Variants in DKK3 observed in about 807,000 individuals in gnomAD.
The protein encoded by DKK3 is dickkopf Wnt signaling pathway inhibitor 3, also known as dickkopf-related protein 3.
In DKK3, 22 loss-of-function variants were observed where a neutral mutation model predicts 33.2. That is an observed-to-expected ratio of 0.66 (90% confidence interval 0.47 to 0.95). The LOEUF (loss-of-function observed/expected upper bound fraction) is 0.95, where lower values mean the gene tolerates loss of function less well. Ranked by LOEUF, DKK3 falls within the 40% of genes least tolerant of loss-of-function variation. The probability of loss-of-function intolerance (pLI) is 0.00; values close to 1 mark genes in which losing one functional copy is unlikely to be tolerated. For synonymous variants in DKK3, 194 were observed against 188.8 expected, an observed-to-expected ratio of 1.03 and a Z score of -0.23; for missense variants, 398 against 458.4, an observed-to-expected ratio of 0.87 and a Z score of 1.20.
At position 11,964,672 on chromosome 11, in the gene DKK3, T is replaced by C; in HGVS notation, c.845A>G (p.Tyr282Cys). Residue 282 changes from tyrosine (Y) to cysteine (C), a missense_variant, in exon 7 of 7, where the codon TAT becomes TGT. By Grantham distance (194) the Tyr-to-Cys change is radical. Transcript: ENST00000683431. Reference sequence around the variant, plus strand: ...CCCCACGAAGGTCGGCTTGCACACATACACCAGGCTGTGGCTGGGGAGAGA... The same window carrying C: ...CCCCACGAAGGTCGGCTTGCACACACACACCAGGCTGTGGCTGGGGAGAGA... ...LCQPHSHSLV[Y>C]VCKPTFVGSR... 1.2e-6 allele frequency: 2 copies of C among 1,613,854 alleles called. No homozygotes were observed. The highest frequency in any genetic ancestry group is 1.7e-6 in the Non-Finnish European group (2 of 1,179,960).
chr11:12,002,320 C>T lies in DKK3; in HGVS notation c.331G>A (p.Val111Met). The T allele has an allele frequency of 1.2e-6, 2 of 1,613,848 alleles. No homozygotes were observed. The highest frequency in any genetic ancestry group is 1.7e-6 in the Non-Finnish European group (2 of 1,179,846). ...CTTACCTTGTGAATTTCTCGGTGCACATGGATGGTATTATTTCCAACCTTC... is the reference window on the plus strand; with the variant it reads ...CTTACCTTGTGAATTTCTCGGTGCATATGGATGGTATTATTTCCAACCTTC... ...DTKVGNNTIHVHREIHKITNN... is the reference protein window; with the variant it reads ...DTKVGNNTIHMHREIHKITNN... The change falls in exon 2 of 7, where the codon GTG becomes ATG. Residue 111 changes from valine to methionine, a missense_variant. Val to Met is a conservative substitution (Grantham distance 21, BLOSUM62 1). Coordinates refer to ENST00000683431, the MANE Select transcript of DKK3 (RefSeq NM_001018057.2).
At chr11:11,965,996 C>A (rs760765975) in intron 5 of DKK3, 31 bp from the exon 6 acceptor site, 7 of 1,592,724 alleles carry the variant, frequency 4.4e-6, no homozygotes, top group Non-Finnish European at 6.0e-6. Context: ...CCCCTGTGTG[C>A]CCCGTGTAGG....
At chr11:11,965,696 C>G in intron 6 of DKK3, 113 bp downstream of exon 6, 6 of 1,364,086 alleles carry the variant, frequency 4.4e-6, no homozygotes, top group Middle Eastern at 2.6e-4. Context: ...CAAACCAATC[C>G]TAAAGGGAAT....
At chr11:11,973,843 G>C (rs1466307037) in intron 3 of DKK3, among the ~76,000 whole-genome samples, 1 of 152,242 alleles carries the variant, frequency 6.6e-6, no homozygotes, top group Non-Finnish European at 1.5e-5. Context: ...TGAGTGAGCA[G>C]AAGTCAAAAC....
chr11:12,008,611 G>C lies in DKK3; in HGVS notation c.-29C>G. ...CGCTCTGCGCCCGCAGCCGCCGCCTGTGTGTCCCGGAACGCGATCAGAGGC... is the reference window on the plus strand; with the variant it reads ...CGCTCTGCGCCCGCAGCCGCCGCCTCTGTGTCCCGGAACGCGATCAGAGGC... On this transcript the variant is annotated 5_prime_UTR_variant, in exon 1 of 7. Transcript: ENST00000683431. The surrounding 1 kb of genome is among the most constrained non-coding windows in gnomAD (Gnocchi z 4.6). The C allele has an allele frequency of 7.3e-7, 1 of 1,371,248 alleles. No individual in the cohort carries two copies. Among genetic ancestry groups the C allele is most frequent in the Admixed American group, 3.7e-5 (1 of 27,210 alleles). The allele number at this position is 1,371,248 out of a possible 1,614,324, so 84.9% of individuals were successfully genotyped here.
intron 3 of DKK3, among the ~76,000 whole-genome samples, chr11:11,994,032 A>G (rs2135082585): frequency 6.6e-6 from 1 of 152,246 alleles, no homozygotes; most frequent in South Asian, 2.1e-4. Flanking sequence ...GTGGCCAGGA[A>G]CACAGAGCTC....
chr11:11,968,712 C>T (rs1245303829), intron 3 of DKK3: 22 of 480,716 alleles, frequency 4.6e-5, no homozygotes, highest in Non-Finnish European at 7.8e-5. Flanking sequence ...CCTGGAGGAT[C>T]CCACACCAAA....
rs562593267 is a variant in DKK3 at position 11,981,590 on chromosome 11, G to T, written c.436-13103C>A. Among the ~76,000 whole-genome samples, 6 of 152,286 alleles carry T rather than the reference G, an allele frequency of 3.9e-5. No individual in the cohort carries two copies. In the East Asian group the frequency reaches 1.2e-3, roughly 29 times the overall value. The stretch of plus-strand genomic sequence containing the variant: ...AAGGTGATGATCTCAGAGCTTGGCA[G>T]GTATCACCAATGCTTACGGGGCTGG... On this transcript the variant is annotated intron_variant, in intron 3 of 6. Transcript: ENST00000683431.
chr11:11,973,658 C>T (rs1235948702), intron 3 of DKK3, among the ~76,000 whole-genome samples: 1 of 152,216 alleles, frequency 6.6e-6, no homozygotes, highest in East Asian at 1.9e-4. Flanking sequence ...ATTTAGAAAG[C>T]TCAGAAGCTG....
At chr11:11,979,090 A>G (rs946900896) in intron 3 of DKK3, 1 of 152,314 alleles carries the variant, frequency 6.6e-6, no homozygotes, top group Non-Finnish European at 1.5e-5. Flanking sequence ...CGACGCAAGG[A>G]AAGGCATGAA....
chr11:11,975,468 G>C (rs2135018395), intron 3 of DKK3, among the ~76,000 whole-genome samples: 1 of 152,356 alleles, frequency 6.6e-6, no homozygotes, highest in African/African-American at 2.4e-5. Flanking sequence ...CCTGGGGGTG[G>C]TGTGGTCATG....
chr11:11,977,646 A>T (rs1364801655), intron 3 of DKK3, among the ~76,000 whole-genome samples: 1 of 152,128 alleles, frequency 6.6e-6, no homozygotes, highest in Non-Finnish European at 1.5e-5. Flanking sequence ...ATCCAAAGGC[A>T]CGCTGTGTGG....
intron 3 of DKK3, among the ~76,000 whole-genome samples, chr11:11,982,663 T>G (rs1847980610): frequency 6.6e-6 from 1 of 152,134 alleles, no homozygotes. Flanking sequence ...GTTCTGGGCC[T>G]TCCCGCTTCC....
At chr11:11,972,562 G>A (rs559779177) in intron 3 of DKK3, among the ~76,000 whole-genome samples, 17 of 152,298 alleles carry the variant, frequency 1.1e-4, no homozygotes, top group East Asian at 3.9e-4. Flanking sequence ...CCTGAAGACC[G>A]CTAGCAGTAG....
chr11:11,973,136 T>C (rs1847759689), intron 3 of DKK3, among the ~76,000 whole-genome samples: 1 of 152,234 alleles, frequency 6.6e-6, no homozygotes, highest in Admixed American at 6.5e-5. Flanking sequence ...CACAGAGCCC[T>C]GGCCAGATAG....
Position 11,963,075 on chromosome 11 carries a change from A to T in DKK3, c.*1389T>A, listed in dbSNP as rs1242850990. On this transcript the variant is annotated 3_prime_UTR_variant, in exon 7 of 7. Transcript: ENST00000683431. ...AGGATTTTACATTTATTCAAAGTCA[A>T]AAGGGAAAAGAAATCCAAGAACTAC... is the stretch of plus-strand genomic sequence containing the variant. 2 of 152,650 alleles carry T rather than the reference A, an allele frequency of 1.3e-5. No individual in the cohort carries two copies. The highest frequency in any genetic ancestry group is 4.8e-5 in the African/African-American group (2 of 41,466). 9.5% of individuals were successfully genotyped at this position (152,650 alleles called of 1,614,324 possible). A position where few individuals can be genotyped will look rare whatever the true frequency, so the allele number is the denominator to read the frequency against.
At chr11:11,987,424 A>G (rs1564916781) in intron 3 of DKK3, among the ~76,000 whole-genome samples, 1 of 152,304 alleles carries the variant, frequency 6.6e-6, no homozygotes, top group East Asian at 1.9e-4. Flanking sequence ...CATCCCTCCC[A>G]TCTCTGATTT....
chr11:11,999,099 C>G (rs1195126379), intron 2 of DKK3, among the ~76,000 whole-genome samples: 3 of 152,198 alleles, frequency 2.0e-5, no homozygotes. Flanking sequence ...TTCTATCTTT[C>G]TTGGGGCTCA....
At chr11:11,987,412 T>C (rs1475945215) in intron 3 of DKK3, among the ~76,000 whole-genome samples, 1 of 152,218 alleles carries the variant, frequency 6.6e-6, no homozygotes, top group East Asian at 1.9e-4. Context: ...TGGAGAAAAC[T>C]ACATCCCTCC....
Sources: gnomAD v4.1 joint callset for allele counts (sites outside exome capture counted in the v4.1 genomes callset) on GRCh38, gnomAD v4.1.1 for gene constraint, Gnocchi (gnomAD v3.1) non-coding constraint, MANE v1.5 for transcripts, NCBI Gene and HGNC (gene_info 2026-07-23, HGNC 2026-07-21) for gene names.